BARX2: variants seen among roughly 807,000 people sequenced by gnomAD.
BARX2 encodes the protein homeobox protein BarH-like 2.
A neutral mutation model predicts 25.5 loss-of-function variants in BARX2; 11 were observed. The ratio of observed to expected loss-of-function variants is 0.43; its 90% CI spans 0.27 to 0.71. The LOEUF is 0.71. Among genes scored for constraint, BARX2 ranks in the 30% least tolerant of loss-of-function variants. The probability of loss-of-function intolerance (pLI) is 0.19; values close to 1 mark genes in which losing one functional copy is unlikely to be tolerated. For missense variants in BARX2, 360 were observed against 359.9 expected (o/e 1.00, Z 0.00); for synonymous variants, 137 against 149.5 (o/e 0.92, Z 0.61).
In BARX2 at chr11:129,393,588, C is replaced by T. The variant is rs370632500; in HGVS notation, c.187+17366C>T. On this transcript the variant is annotated intron_variant, in intron 1 of 3. Coordinates refer to ENST00000281437, the MANE Select transcript of BARX2 (RefSeq NM_003658.5). The stretch of plus-strand genomic sequence containing the variant: ...AAGTTCTAGGGAATGTATTAGTGTC[C>T]AAATTTGCAAAGTGAGTTAATGACA... Among the ~76,000 whole-genome samples the T allele has an allele frequency of 3.3e-5, 5 of 150,790 alleles. No homozygotes were observed. The East Asian group carries it at 5.8e-4, about 18-fold the overall frequency.
At position 129,376,033 on chromosome 11, in the gene BARX2, A is replaced by G. The variant is rs758219491; in HGVS notation, c.-3A>G. ...GGCCGGCGGACGCTCGCGCCGGCTCACCATGCACTGCCACGCCGAGCTGAG... is the reference window on the plus strand; with the variant it reads ...GGCCGGCGGACGCTCGCGCCGGCTCGCCATGCACTGCCACGCCGAGCTGAG... On this transcript the variant is annotated 5_prime_UTR_variant, in exon 1 of 4. Transcript: ENST00000281437. The surrounding 1 kb of genome is among the most constrained non-coding windows in gnomAD (Gnocchi z 4.2). 7.1e-6 allele frequency: 11 copies of G among 1,557,464 alleles called. No individual in the cohort carries two copies. The highest frequency in any genetic ancestry group is 7.0e-5 in the South Asian group (6 of 85,962).
At chr11:129,381,483 T>C (rs955916792) in intron 1 of BARX2, among the ~76,000 whole-genome samples, 8 of 152,208 alleles carry the variant, frequency 5.3e-5, no homozygotes, top group African/African-American at 1.7e-4. Flanking sequence ...TTGCTTACTA[T>C]GTGGAATTTT....
chr11:129,379,352 T>C (rs1300255127), intron 1 of BARX2, among the ~76,000 whole-genome samples: 1 of 152,258 alleles, frequency 6.6e-6, no homozygotes, highest in Non-Finnish European at 1.5e-5. Context: ...GTTGGTTTTA[T>C]TCTTAAATCT....
At chr11:129,414,271 G>GT (rs1335292962) in intron 1 of BARX2, among the ~76,000 whole-genome samples, 1 of 152,084 alleles carries the variant, frequency 6.6e-6, no homozygotes, top group Non-Finnish European at 1.5e-5. Context: ...TTCTAGGCTT[G>GT]TAAGTATTGT....
intron 2 of BARX2, among the ~76,000 whole-genome samples, chr11:129,440,100 A>G (rs1236277234): frequency 6.6e-6 from 1 of 152,104 alleles, no homozygotes; most frequent in Non-Finnish European, 1.5e-5. Context: ...GACCAGGGCC[A>G]TGAGCACTCC....
At chr11:129,450,836 T>C (rs773842027) in intron 3 of BARX2, among the ~76,000 whole-genome samples, 5 of 152,346 alleles carry the variant, frequency 3.3e-5, no homozygotes, top group Non-Finnish European at 5.9e-5. Flanking sequence ...TTGATAGTTA[T>C]TGCATTAACA....
chr11:129,439,620 AGACAGAG>A (rs1421045120), intron 2 of BARX2, among the ~76,000 whole-genome samples: 1 of 152,206 alleles, frequency 6.6e-6, no homozygotes, highest in African/African-American at 2.4e-5. Context: ...TGAAGTAGGA[AGACAGAG>A]GACAGAGTAG....
rs909962070 is a variant in BARX2 at position 129,451,622 on chromosome 11, C to T, written c.*220C>T. The T allele has an allele frequency of 2.0e-5, 12 of 595,614 alleles. No individual in the cohort carries two copies. Among genetic ancestry groups the T allele is most frequent in the Non-Finnish European group, 3.2e-5 (11 of 347,008 alleles). 36.9% of individuals were successfully genotyped at this position (595,614 alleles called of 1,614,324 possible). A position where few individuals can be genotyped will look rare whatever the true frequency, so the allele number is the denominator to read the frequency against. ...GTCACCTCCTGAAAGGCTGCTTTAG[C>T]TGTGGATGCCCTTGATTAAGGGAGA... On this transcript the variant is annotated 3_prime_UTR_variant, in exon 4 of 4. Transcript: ENST00000281437.
At chr11:129,421,836 T>C (rs1862007409) in intron 1 of BARX2, among the ~76,000 whole-genome samples, 1 of 152,178 alleles carries the variant, frequency 6.6e-6, no homozygotes, top group African/African-American at 2.4e-5. Flanking sequence ...CTCCTCAGGT[T>C]TTTGGTTTTA....
At chr11:129,383,201 CAGTT>C (rs1861585944) in intron 1 of BARX2, among the ~76,000 whole-genome samples, 1 of 152,128 alleles carries the variant, frequency 6.6e-6, no homozygotes, top group East Asian at 1.9e-4. Context: ...AGCTTAGTAA[CAGTT>C]AGAAGAAGGA....
intron 1 of BARX2, among the ~76,000 whole-genome samples, chr11:129,394,911 G>T (rs913209794): frequency 6.7e-6 from 1 of 149,596 alleles, no homozygotes; most frequent in African/African-American, 2.5e-5. Flanking sequence ...TTTAGGACAG[G>T]CAGGAAGCTA....
intron 1 of BARX2, among the ~76,000 whole-genome samples, chr11:129,409,134 C>G (rs1443018242): frequency 6.6e-6 from 1 of 152,174 alleles, no homozygotes; most frequent in African/African-American, 2.4e-5. Context: ...TGCTAATTTA[C>G]TTTTCAAAAC....
rs541963697 is a variant in BARX2 at position 129,422,801 on chromosome 11, T to C, written c.188-13950T>C. ...TCACGGAAACCTCTACCTCCCAGGT[T>C]CAAGTGATTCTCCTGCCTCAGCCTC... On this transcript the variant is annotated intron_variant, in intron 1 of 3. Coordinates refer to ENST00000281437, the MANE Select transcript of BARX2 (RefSeq NM_003658.5). Among the ~76,000 whole-genome samples, 7 of 152,018 alleles carry C rather than the reference T, an allele frequency of 4.6e-5. No individual in the cohort carries two copies. The East Asian group carries it at 1.4e-3, about 30-fold the overall frequency.
Position 129,431,140 on chromosome 11 carries a change from A to G in BARX2, c.188-5611A>G, listed in dbSNP as rs142946199. Among the ~76,000 whole-genome samples the G allele has an allele frequency of 7.9e-5, 12 of 152,098 alleles. No homozygotes were observed. In the East Asian group the frequency reaches 2.3e-3, roughly 29 times the overall value. ...CCTCCCAGTGTGCATCAATCGTTTTATTGCTTTATATTTCTGAGTAGTATT... is the reference window on the plus strand; with the variant it reads ...CCTCCCAGTGTGCATCAATCGTTTTGTTGCTTTATATTTCTGAGTAGTATT... On this transcript the variant is annotated intron_variant, in intron 1 of 3. Coordinates refer to ENST00000281437, the MANE Select transcript of BARX2 (RefSeq NM_003658.5).
At chr11:129,433,654 G>C (rs771387667) in intron 1 of BARX2, among the ~76,000 whole-genome samples, 12 of 152,040 alleles carry the variant, frequency 7.9e-5, no homozygotes, top group Admixed American at 2.6e-4. Flanking sequence ...GGGCTGGGGT[G>C]CTTGTCCCGT....
At chr11:129,397,719 A>C (rs1861736215) in intron 1 of BARX2, among the ~76,000 whole-genome samples, 1 of 152,210 alleles carries the variant, frequency 6.6e-6, no homozygotes, top group Non-Finnish European at 1.5e-5. Context: ...CAGTTACCAG[A>C]ATCATACGAC....
chr11:129,451,497 A>C lies in BARX2; in HGVS notation c.*95A>C. The C allele has an allele frequency of 7.1e-7, 1 of 1,417,988 alleles. No homozygotes were observed. The highest frequency in any genetic ancestry group is 9.6e-7 in the Non-Finnish European group (1 of 1,044,836). 87.8% of individuals were successfully genotyped at this position (1,417,988 alleles called of 1,614,324 possible). On this transcript the variant is annotated 3_prime_UTR_variant, in exon 4 of 4. Transcript: ENST00000281437. ...AGAGAAAACCTTCCAGCAGCCCAGT[A>C]AACTGCGGGCGAAGAGATCTACCCG...
chr11:129,417,355 G>A (rs139024234), intron 1 of BARX2, among the ~76,000 whole-genome samples: 3 of 152,268 alleles, frequency 2.0e-5, no homozygotes, highest in Admixed American at 6.5e-5. Context: ...GGGAGGCCAC[G>A]TCCCAGGAAT....
intron 1 of BARX2, among the ~76,000 whole-genome samples, chr11:129,385,452 T>C (rs1318374264): frequency 6.6e-6 from 1 of 152,254 alleles, no homozygotes; most frequent in African/African-American, 2.4e-5. Flanking sequence ...AATGAAATTC[T>C]ATGCAGCAAT....
Sources: allele counts gnomAD v4.1 joint callset (sites outside exome capture counted in the v4.1 genomes callset), GRCh38; gene constraint gnomAD v4.1.1; non-coding constraint Gnocchi (gnomAD v3.1); transcripts MANE v1.5; gene names NCBI Gene and HGNC (gene_info 2026-07-23, HGNC 2026-07-21).